Variants in HIRA observed in about 807,000 individuals in gnomAD.
HIRA encodes protein HIRA.
HIRA carries 13 observed loss-of-function variants against 126.6 expected under a neutral mutation model. The observed-to-expected ratio is 0.10, with a 90% CI of 0.07 to 0.16. The LOEUF (loss-of-function observed/expected upper bound fraction) is 0.16, where lower values mean the gene tolerates loss of function less well. HIRA is among the 10% of genes least tolerant of loss of function. HIRA has a pLI of 1.00. For synonymous variants in HIRA, 511 were observed against 520.0 expected (o/e 0.98, Z 0.24); for missense variants, 834 against 1,314.4 (o/e 0.63, Z 5.65).
At chr22:19,429,266 T>C (rs989260929) in intron 1 of HIRA, among the ~76,000 whole-genome samples, 1 of 149,912 alleles carries the variant, frequency 6.7e-6, no homozygotes, top group Non-Finnish European at 1.5e-5. Context: ...GCCTCCCGAG[T>C]AGTTGGGACT....
rs782487435 is a variant in HIRA at position 19,351,358 on chromosome 22, C to T, written c.2937G>A (p.Val979=). Residue 979 remains valine, a splice_region_variant and synonymous_variant, in exon 24 of 25, where the codon GTG becomes GTA. Transcript: ENST00000263208. This position sits in a 1 kb window ranked among gnomAD's most constrained non-coding sequence, Gnocchi z 4.8. ...CAGCAACAATGAAAGAAGCACCTAC[C>T]ACTACTGTTGACTCCCACTGGCTTC... ...STGSQWESTV[V]GLRKRELLKE... 6.2e-7 allele frequency: 1 copy of T among 1,605,586 alleles called. No homozygotes were observed. The highest frequency in any genetic ancestry group is 8.5e-7 in the Non-Finnish European group (1 of 1,177,010).
At chr22:19,343,100 G>A (rs974470311) in intron 24 of HIRA, among the ~76,000 whole-genome samples, 1 of 152,188 alleles carries the variant, frequency 6.6e-6, no homozygotes, top group East Asian at 1.9e-4. Context: ...TCAGGGGGAA[G>A]GGTGAAGAGG....
chr22:19,397,893 C>T, intron 6 of HIRA, 99 bp downstream of exon 6: 1 of 740,810 alleles, frequency 1.3e-6, no homozygotes, highest in South Asian at 1.6e-5. Context: ...CACTGTGACA[C>T]ATCTGTTGCC....
chr22:19,339,891 C>CA (rs1378590612), intron 24 of HIRA, among the ~76,000 whole-genome samples: 39 of 151,974 alleles, frequency 2.6e-4, no homozygotes, highest in African/African-American at 9.4e-4. Flanking sequence ...AAATTGCCAA[C>CA]AAAAAAACAG....
intron 4 of HIRA, among the ~76,000 whole-genome samples, chr22:19,406,706 C>G (rs1203409573): frequency 6.6e-6 from 1 of 152,194 alleles, no homozygotes; most frequent in African/African-American, 2.4e-5. Flanking sequence ...GCCCAGAGAC[C>G]TGGGAGCAAT....
chr22:19,345,125 C>T (rs2088672224), intron 24 of HIRA, among the ~76,000 whole-genome samples: 1 of 152,040 alleles, frequency 6.6e-6, no homozygotes, highest in Non-Finnish European at 1.5e-5. Flanking sequence ...ATTAAGAGTC[C>T]TAGACAGATC....
At chr22:19,423,480 CAT>C (rs1157035277) in intron 1 of HIRA, among the ~76,000 whole-genome samples, 5 of 106,902 alleles carry the variant, frequency 4.7e-5, no homozygotes, top group East Asian at 5.2e-4. Context: ...CACACACATG[CAT>C]ACACACACAC....
At chr22:19,355,537 G>A (rs1338901689) in intron 21 of HIRA, among the ~76,000 whole-genome samples, 2 of 152,216 alleles carry the variant, frequency 1.3e-5, no homozygotes, top group African/African-American at 4.8e-5. Context: ...TAATGCAGGA[G>A]GACAGTGCTC....
intron 5 of HIRA, among the ~76,000 whole-genome samples, chr22:19,402,088 A>G (rs573122993): frequency 5.3e-5 from 8 of 151,898 alleles, no homozygotes; most frequent in African/African-American, 1.9e-4. Context: ...TCATCTCCTC[A>G]CTGGCCCCCA....
intron 24 of HIRA, among the ~76,000 whole-genome samples, chr22:19,337,714 G>A (rs1569286615): frequency 1.3e-5 from 2 of 152,050 alleles, no homozygotes; most frequent in Non-Finnish European, 2.9e-5. Flanking sequence ...CAGTCATCAG[G>A]TTATCTAAAG....
At position 19,361,325 on chromosome 22, in the gene HIRA, G is replaced by A. The variant is rs772043762; in HGVS notation, c.1997C>T (p.Thr666Ile). 3 of 1,614,194 alleles carry A rather than the reference G, an allele frequency of 1.9e-6. No individual in the cohort carries two copies. Among genetic ancestry groups the A allele is most frequent in the Middle Eastern group, 1.7e-4 (1 of 6,060 alleles). The change falls in exon 17 of 25, where the codon ACC (threonine) becomes ATC (isoleucine). Residue 666 changes from threonine (T) to isoleucine (I), a missense_variant. Physicochemically the swap from Thr to Ile is moderately conservative, Grantham distance 89. Coordinates refer to ENST00000263208, the MANE Select transcript of HIRA (RefSeq NM_003325.4). ...SLSVQSPAAL[T>I]AEKEAMCLSA... Reference sequence around the variant, plus strand: ...CAGACACATGGCCTCCTTCTCTGCGGTTAGGGCAGCTGGAGACTGGAAGAG... The same window carrying A: ...CAGACACATGGCCTCCTTCTCTGCGATTAGGGCAGCTGGAGACTGGAAGAG...
At chr22:19,366,665 T>C (rs1470892057) in intron 15 of HIRA, among the ~76,000 whole-genome samples, 1 of 152,216 alleles carries the variant, frequency 6.6e-6, no homozygotes, top group East Asian at 1.9e-4. Flanking sequence ...CTTGAACAAA[T>C]GAGGAGGTGC....
chr22:19,357,296 A>G (rs2088821887), intron 18 of HIRA, among the ~76,000 whole-genome samples: 1 of 152,220 alleles, frequency 6.6e-6, no homozygotes, highest in African/African-American at 2.4e-5. Context: ...TCCTGAGCTC[A>G]TGCTGATGCT....
intron 11 of HIRA, among the ~76,000 whole-genome samples, chr22:19,386,047 A>G (rs764395156): frequency 3.3e-5 from 5 of 152,230 alleles, no homozygotes; most frequent in Non-Finnish European, 7.3e-5. Flanking sequence ...ACAGTGCTTC[A>G]GTGGAAAGGA....
At chr22:19,353,075 T>G (rs546970878) in intron 23 of HIRA, among the ~76,000 whole-genome samples, 1 of 152,384 alleles carries the variant, frequency 6.6e-6, no homozygotes, top group South Asian at 2.1e-4. Flanking sequence ...ACATAGAATC[T>G]GCTCCTTCAG....
At position 19,414,816 on chromosome 22, in the gene HIRA, G is replaced by A. The variant is rs558138747; in HGVS notation, c.38-4038C>T. ...GCAGGTAGATCACTTGAGGTCAGGA[G>A]TTTGAGACCAGCCTGACCAACAGGC... On this transcript the variant is annotated intron_variant, in intron 1 of 24. Coordinates refer to ENST00000263208, the MANE Select transcript of HIRA (RefSeq NM_003325.4). 5.9e-5 allele frequency among the ~76,000 whole-genome samples: 9 copies of A among 152,344 alleles called. No homozygotes were observed. In the East Asian group the frequency reaches 1.7e-3, roughly 29 times the overall value.
chr22:19,387,084 T>G (rs1349045188), intron 11 of HIRA, among the ~76,000 whole-genome samples: 2 of 152,146 alleles, frequency 1.3e-5, no homozygotes, highest in Admixed American at 1.3e-4. Flanking sequence ...AGGGCTTTTC[T>G]CAAAGCCTGG....
intron 1 of HIRA, among the ~76,000 whole-genome samples, chr22:19,413,616 T>TATTTATTTATTG: frequency 6.6e-6 from 1 of 150,812 alleles, no homozygotes; most frequent in Non-Finnish European, 1.5e-5. Flanking sequence ...TTTATTTATT[T>TATTTATTTATTG]ATTTATTTAT....
At chr22:19,424,278 T>C (rs374692530) in intron 1 of HIRA, among the ~76,000 whole-genome samples, 35 of 152,364 alleles carry the variant, frequency 2.3e-4, no homozygotes, top group African/African-American at 7.9e-4. Context: ...CGATGATTGA[T>C]GCAAGAGAGG....
Sources: gnomAD v4.1 joint callset for allele counts (sites outside exome capture counted in the v4.1 genomes callset) on GRCh38, gnomAD v4.1.1 for gene constraint, Gnocchi (gnomAD v3.1) non-coding constraint, MANE v1.5 for transcripts, NCBI Gene and HGNC (gene_info 2026-07-23, HGNC 2026-07-21) for gene names.